KICS2: variants seen among roughly 807,000 people sequenced by gnomAD.
KICS2 encodes KICSTOR complex protein C12orf66.
In KICS2, 13 loss-of-function variants were observed where a neutral mutation model predicts 31.4. The observed-to-expected ratio is 0.41, with a 90% CI of 0.27 to 0.66. KICS2 has a LOEUF of 0.66. Among genes scored for constraint, KICS2 ranks in the 30% least tolerant of loss-of-function variants. The pLI, the probability that KICS2 is intolerant of heterozygous loss-of-function variation, is 0.28. For missense variants in KICS2, 455 were observed against 545.4 expected (o/e 0.83, Z 1.65); for synonymous variants, 209 against 214.8 (o/e 0.97, Z 0.24).
chr12:64,203,279 A>G (rs1285783253), intron 2 of KICS2, among the ~76,000 whole-genome samples: 1 of 152,240 alleles, frequency 6.6e-6, no homozygotes, highest in East Asian at 1.9e-4. Flanking sequence ...GTTCTGTAAC[A>G]GTAGACTAGA....
chr12:64,199,047 T>C lies in KICS2; in HGVS notation c.522-4389A>G, dbSNP rs1455885184. Among the ~76,000 whole-genome samples, 4 of 104,770 alleles carry C rather than the reference T, an allele frequency of 3.8e-5. No homozygotes were observed. The Admixed American group carries it at 4.2e-4, about 11-fold the overall frequency. 68.7% of individuals were successfully genotyped at this position (104,770 alleles called of 152,430 possible). A position where few individuals can be genotyped will look rare whatever the true frequency, so the allele number is the denominator to read the frequency against. ...TACAAGGAGGAACTGGTACCATTCC[T>C]TCTGAAACTATTCCAATCAATAGAA... is the stretch of plus-strand genomic sequence containing the variant. On this transcript the variant is annotated intron_variant, in intron 2 of 2. Transcript: ENST00000398055.
Position 64,193,018 on chromosome 12 carries a change from A to G in KICS2, c.*824T>C. On this transcript the variant is annotated 3_prime_UTR_variant, in exon 3 of 3. Transcript: ENST00000398055. Reference sequence around the variant, plus strand: ...CTTTTAAGCCTAAAAATAACCAAGGAGTAGAGCCAAACATGTACATTTCAG... The same window carrying G: ...CTTTTAAGCCTAAAAATAACCAAGGGGTAGAGCCAAACATGTACATTTCAG... 1.0e-6 allele frequency: 1 copy of G among 985,486 alleles called. No homozygotes were observed. The highest frequency in any genetic ancestry group is 1.2e-6 in the Non-Finnish European group (1 of 829,934). The allele number at this position is 985,486 out of a possible 1,614,324, so 61.0% of individuals were successfully genotyped here.
chr12:64,188,765 A>C (rs149631464), downstream of KICS2, among the ~76,000 whole-genome samples: 318 of 152,300 alleles, frequency 2.1e-3, no homozygotes, highest in African/African-American at 7.4e-3. Context: ...TAAACCTAAG[A>C]GTCAGAAATC....
chr12:64,215,386 C>A (rs527666249), intron 2 of KICS2, among the ~76,000 whole-genome samples: 1 of 151,974 alleles, frequency 6.6e-6, no homozygotes, highest in Non-Finnish European at 1.5e-5. Flanking sequence ...ATATACAATT[C>A]TCTTGTTGTG....
Position 64,192,742 on chromosome 12 carries a change from G to A in KICS2, c.*1100C>T, listed in dbSNP as rs528798805. ...ATCCACCTACTTCCCATGAACACCTGCCGAAGGAAAGAAATAAGGCAGCAT... is the reference window on the plus strand; with the variant it reads ...ATCCACCTACTTCCCATGAACACCTACCGAAGGAAAGAAATAAGGCAGCAT... On this transcript the variant is annotated 3_prime_UTR_variant, in exon 3 of 3. Transcript: ENST00000398055. The A allele has an allele frequency of 1.0e-6, 1 of 985,426 alleles. No homozygotes were observed. Among genetic ancestry groups the A allele is most frequent in the African/African-American group, 1.7e-5 (1 of 57,356 alleles). The allele number at this position is 985,426 out of a possible 1,614,324, so 61.0% of individuals were successfully genotyped here.
intron 1 of KICS2, among the ~76,000 whole-genome samples, chr12:64,217,014 C>G (rs79126255): frequency 0.013 from 2,021 of 152,176 alleles, 22 homozygotes; most frequent in Non-Finnish European, 0.021. Flanking sequence ...AAACATATAC[C>G]TGTAATTAGG....
chr12:64,212,947 C>T (rs1435307798), intron 2 of KICS2, among the ~76,000 whole-genome samples: 1 of 151,616 alleles, frequency 6.6e-6, no homozygotes, highest in African/African-American at 2.4e-5. Flanking sequence ...AAAAATTAGC[C>T]AGGCATAGTG....
chr12:64,202,871 C>T (rs1046996158), intron 2 of KICS2, among the ~76,000 whole-genome samples: 17 of 151,936 alleles, frequency 1.1e-4, no homozygotes, highest in Non-Finnish European at 2.5e-4. Flanking sequence ...AGGGCAAGTT[C>T]AGGGACCCTA....
chr12:64,201,698 C>T (rs1194178199), intron 2 of KICS2, among the ~76,000 whole-genome samples: 1 of 150,732 alleles, frequency 6.6e-6, no homozygotes, highest in Non-Finnish European at 1.5e-5. Context: ...CAAAAATTAG[C>T]CGGGCATGGT....
At chr12:64,215,322 T>C (rs1220445530) in intron 2 of KICS2, among the ~76,000 whole-genome samples, 1 of 152,142 alleles carries the variant, frequency 6.6e-6, no homozygotes, top group Non-Finnish European at 1.5e-5. Flanking sequence ...TATTTTCATA[T>C]TATTTTACTA....
chr12:64,200,723 T>A, intron 2 of KICS2, among the ~76,000 whole-genome samples: 1 of 13,800 alleles, frequency 7.2e-5, no homozygotes, highest in Admixed American at 1.1e-3. Flanking sequence ...AGGGCTAATA[T>A]CCAGAATCTA....
At chr12:64,206,651 CAAAT>C (rs1200711364) in intron 2 of KICS2, among the ~76,000 whole-genome samples, 1 of 152,042 alleles carries the variant, frequency 6.6e-6, no homozygotes, top group African/African-American at 2.4e-5. Flanking sequence ...TGCCCATTGA[CAAAT>C]GAATGGATAA....
At chr12:64,208,599 T>A (rs979597365) in intron 2 of KICS2, among the ~76,000 whole-genome samples, 8 of 152,152 alleles carry the variant, frequency 5.3e-5, no homozygotes, top group African/African-American at 1.9e-4. Flanking sequence ...ATCAAAAATC[T>A]TTTTTTGACG....
At chr12:64,208,738 T>C (rs2037560732) in intron 2 of KICS2, among the ~76,000 whole-genome samples, 1 of 152,320 alleles carries the variant, frequency 6.6e-6, no homozygotes, top group Non-Finnish European at 1.5e-5. Flanking sequence ...AATTTTTTAA[T>C]GTTATTTAAA....
At chr12:64,221,775 C>T (rs1435444512) in intron 1 of KICS2, 1 of 611,742 alleles carries the variant, frequency 1.6e-6, no homozygotes, top group Non-Finnish European at 2.9e-6. Context: ...GGTCACAGCC[C>T]TGCAAAGAGC....
chr12:64,195,779 C>T (rs1375418823), intron 2 of KICS2, among the ~76,000 whole-genome samples: 4 of 152,270 alleles, frequency 2.6e-5, no homozygotes, highest in African/African-American at 9.6e-5. Context: ...CGAGGCATTG[C>T]CTCACCTGGG....
chr12:64,196,689 T>C (rs1300598041), intron 2 of KICS2, among the ~76,000 whole-genome samples: 1 of 141,298 alleles, frequency 7.1e-6, no homozygotes, highest in Non-Finnish European at 1.5e-5. Flanking sequence ...GGCAAAGAAG[T>C]TGAAAACTTT....
In KICS2 at chr12:64,221,737, G is replaced by C. The variant is rs367975064; in HGVS notation, c.235+266C>G. The C allele has an allele frequency of 4.8e-5, 27 of 560,824 alleles. No homozygotes were observed. The East Asian group carries it at 5.0e-4, about 10-fold the overall frequency. The allele number at this position is 560,824 out of a possible 1,614,324, so 34.7% of individuals were successfully genotyped here. A position where few individuals can be genotyped will look rare whatever the true frequency, so the allele number is the denominator to read the frequency against. ...TCATTTATGGCATCAATCCATGCAC[G>C]AGGCAAAAGGGCAAACCCTTCGGTT... On this transcript the variant is annotated intron_variant, in intron 1 of 2. Coordinates refer to ENST00000398055, the MANE Select transcript of KICS2 (RefSeq NM_152440.5).
intron 2 of KICS2, among the ~76,000 whole-genome samples, chr12:64,201,631 A>AC (rs200185465): frequency 0.033 from 4,871 of 148,224 alleles, 291 homozygotes; most frequent in African/African-American, 0.12. Context: ...AAAAAAAAAA[A>AC]AACAAAATGG....
Sources: allele counts gnomAD v4.1 joint callset (sites outside exome capture counted in the v4.1 genomes callset), GRCh38; gene constraint gnomAD v4.1.1; transcripts MANE v1.5; gene names NCBI Gene and HGNC (gene_info 2026-07-23, HGNC 2026-07-21).